ATP9A: variants seen among roughly 807,000 people sequenced by gnomAD.
ATP9A encodes the protein ATPase phospholipid transporting 9A.
ATP9A carries 52 observed loss-of-function variants against 144.1 expected under a neutral mutation model. That is an observed-to-expected ratio of 0.36 (90% CI 0.29 to 0.45). ATP9A has a LOEUF of 0.45. ATP9A is among the 20% of genes least tolerant of loss of function. ATP9A has a pLI of 1.00. For synonymous variants in ATP9A, 582 were observed against 557.4 expected, an observed-to-expected ratio of 1.04 and a Z score of -0.62; for missense variants, 947 against 1,392.7, an observed-to-expected ratio of 0.68 and a Z score of 5.09.
At chr20:51,718,262 A>G (rs1186378222) in intron 3 of ATP9A, among the ~76,000 whole-genome samples, 1 of 152,188 alleles carries the variant, frequency 6.6e-6, no homozygotes, top group Non-Finnish European at 1.5e-5. Flanking sequence ...TATAGTATAC[A>G]TAAAATACAT....
Position 51,694,028 on chromosome 20 carries a change from G to A in ATP9A, c.622C>T (p.Gln208Ter). The change falls in exon 7 of 28, where the codon CAG (glutamine) becomes TAG (stop). Residue 208 changes from glutamine (Q) to a stop codon, truncating the protein, a stop_gained. Transcript: ENST00000338821. LOFTEE classifies it high-confidence loss of function. ...WKLRLPVACTQRLPTAADLLQ... is the reference protein window; with the variant it reads ...WKLRLPVACT ...CTCACGGCGGCCGTGGGGAGCCTCT[G>A]CGTGCAGGCCACGGGAAGCCGCAGC... The A allele has an allele frequency of 1.2e-6, 2 of 1,613,766 alleles. No homozygotes were observed. Among genetic ancestry groups the A allele is most frequent in the Admixed American group, 1.7e-5 (1 of 59,996 alleles).
intron 13 of ATP9A, 43 bp from the exon 14 acceptor site, chr20:51,657,193 G>A (rs756943394): frequency 6.5e-7 from 1 of 1,535,244 alleles, no homozygotes; most frequent in South Asian, 1.1e-5. Context: ...CCAGAGGCAG[G>A]AATGATTTGG....
chr20:51,610,023 C>T (rs1601053980), intron 24 of ATP9A, 78 bp downstream of exon 24: 4 of 1,349,812 alleles, frequency 3.0e-6, no homozygotes, highest in East Asian at 4.6e-5. Flanking sequence ...AAGAATTTTT[C>T]CACCACGTTT....
intron 8 of ATP9A, among the ~76,000 whole-genome samples, chr20:51,690,203 A>G (rs371761825): frequency 3.4e-4 from 51 of 151,370 alleles, no homozygotes; most frequent in Middle Eastern, 7.0e-3. Flanking sequence ...GGCGGATCAC[A>G]AGGTCAGGGG....
chr20:51,702,209 G>A (rs544997541), intron 4 of ATP9A, among the ~76,000 whole-genome samples: 1 of 150,524 alleles, frequency 6.6e-6, no homozygotes, highest in Non-Finnish European at 1.5e-5. Context: ...TGAGGCAGGA[G>A]AATCGCTTGA....
In ATP9A at chr20:51,671,216, C is replaced by T; in HGVS notation, c.1079G>A (p.Trp360Ter). The change falls in exon 12 of 28, where the codon TGG becomes TAG. Residue 360 changes from tryptophan (W) to a stop codon, truncating the protein, a stop_gained. Transcript: ENST00000338821. LOFTEE classifies it high-confidence loss of function. Reference protein sequence around the residue: ...NLDMGKIVYSWVIRRDSKIPG... With the variant: ...NLDMGKIVYS ...GATTTTCGAGTCCCTTCGAATCACC[C>T]AGCTGTACACGATCTTGCCCATGTC... is the stretch of plus-strand genomic sequence containing the variant. 6.2e-7 allele frequency: 1 copy of T among 1,614,186 alleles called. No individual in the cohort carries two copies. The highest frequency in any genetic ancestry group is 8.5e-7 in the Non-Finnish European group (1 of 1,180,010).
intron 9 of ATP9A, 152 bp downstream of exon 9, chr20:51,688,912 T>C (rs2077535157): frequency 2.3e-6 from 2 of 873,988 alleles, no homozygotes; most frequent in Non-Finnish European, 1.8e-6. Flanking sequence ...TGCAATTAGA[T>C]GTCAGTTTAA....
At chr20:51,710,377 A>G (rs1357730139) in intron 4 of ATP9A, among the ~76,000 whole-genome samples, 2 of 152,188 alleles carry the variant, frequency 1.3e-5, no homozygotes, top group African/African-American at 4.8e-5. Context: ...TACTTATTTC[A>G]TTTTGCTTTG....
intron 27 of ATP9A, among the ~76,000 whole-genome samples, 178 bp downstream of exon 27, chr20:51,604,639 T>C (rs1178501965): frequency 7.9e-5 from 12 of 152,122 alleles, no homozygotes; most frequent in Non-Finnish European, 1.5e-5. Context: ...GAGGCACAAC[T>C]ACCACCTGTC....
At chr20:51,689,285 A>G (rs45465399) in intron 8 of ATP9A, 146 bp from the exon 9 acceptor site, 27,206 of 690,792 alleles carry the variant, frequency 0.039, 702 homozygotes, top group Non-Finnish European at 0.049. Flanking sequence ...CGGCTCCACC[A>G]TGAGGGGAGG....
chr20:51,681,680 C>T (rs2077500360), intron 9 of ATP9A, among the ~76,000 whole-genome samples: 1 of 152,118 alleles, frequency 6.6e-6, no homozygotes, highest in African/African-American at 2.4e-5. Flanking sequence ...CCTCAGCCTC[C>T]CAAAGTGCTG....
At position 51,674,307 on chromosome 20, in the gene ATP9A, G is replaced by C; in HGVS notation, c.883C>G (p.Leu295Val). ...NTSNPRSKIG[L>V]FDLEVNCLTK... ...AGGCAGTTCACTTCCAAGTCGAACAGGCCGATCTGTGGGACGAAGCACAAA... is the reference window on the plus strand; with the variant it reads ...AGGCAGTTCACTTCCAAGTCGAACACGCCGATCTGTGGGACGAAGCACAAA... The change falls in exon 11 of 28, where the codon CTG (leucine) becomes GTG (valine). Residue 295 changes from leucine (L) to valine (V), a missense_variant. By Grantham distance (32) the Leu-to-Val change is conservative. Around this residue, in one of 2 missense-constraint regions of ATP9A, gnomAD observed 770 missense variants for 1,047.9 expected, o/e 0.73. Transcript: ENST00000338821. 1.2e-6 allele frequency: 2 copies of C among 1,613,216 alleles called. No homozygotes were observed. Among genetic ancestry groups the C allele is most frequent in the Admixed American group, 3.3e-5 (2 of 59,922 alleles).
chr20:51,688,894 G>T (rs1439701643), intron 9 of ATP9A, among the ~76,000 whole-genome samples, 170 bp downstream of exon 9: 1 of 152,212 alleles, frequency 6.6e-6, no homozygotes, highest in East Asian at 1.9e-4. Flanking sequence ...ATCTCTAAGT[G>T]TCCGAGCTGC....
At position 51,723,589 on chromosome 20, in the gene ATP9A, G is replaced by A. The variant is rs564196908; in HGVS notation, c.327+2230C>T. On this transcript the variant is annotated intron_variant, in intron 3 of 27. Transcript: ENST00000338821. ...TTTTTTTTTTTTTTTTTTTTGAGAC[G>A]GAGTCTCGCTCTGTTGACCAGGCTG... Among the ~76,000 whole-genome samples, 1,256 of 139,926 alleles carry A rather than the reference G, an allele frequency of 9.0e-3. 18 individuals carry two copies. Among genetic ancestry groups the A allele is most frequent in the African/African-American group, 0.031 (1,186 of 38,286 alleles). 91.8% of individuals were successfully genotyped at this position (139,926 alleles called of 152,430 possible).
At chr20:51,615,808 G>C (rs890451489) in intron 22 of ATP9A, among the ~76,000 whole-genome samples, 6 of 152,226 alleles carry the variant, frequency 3.9e-5, no homozygotes, top group Middle Eastern at 3.4e-3. Flanking sequence ...GCTAATTTTT[G>C]TATTTTTAGT....
intron 11 of ATP9A, among the ~76,000 whole-genome samples, chr20:51,672,414 C>G (rs1471295157): frequency 2.6e-5 from 4 of 152,116 alleles, no homozygotes; most frequent in Non-Finnish European, 4.4e-5. Flanking sequence ...GTCGACTCAC[C>G]AATTTTTAAT....
intron 3 of ATP9A, among the ~76,000 whole-genome samples, chr20:51,725,611 G>T (rs180824494): frequency 2.0e-5 from 3 of 152,122 alleles, no homozygotes; most frequent in African/African-American, 7.2e-5. Flanking sequence ...ATAAATGAAC[G>T]GCACAGGCTT....
intron 13 of ATP9A, among the ~76,000 whole-genome samples, chr20:51,668,615 C>T (rs958129930): frequency 1.3e-5 from 2 of 152,094 alleles, no homozygotes; most frequent in African/African-American, 2.4e-5. Flanking sequence ...GGGGGCTGTG[C>T]GGCTCATCCT....
chr20:51,698,631 G>T (rs2077580400), intron 4 of ATP9A, among the ~76,000 whole-genome samples: 1 of 152,192 alleles, frequency 6.6e-6, no homozygotes, highest in Non-Finnish European at 1.5e-5. Context: ...AATAATGGAT[G>T]AAAGGGGTTG....
Sources: gnomAD v4.1 joint callset for allele counts (sites outside exome capture counted in the v4.1 genomes callset) on GRCh38, gnomAD v4.1.1 for gene constraint, gnomAD v4.1.1 regional missense constraint, MANE v1.5 for transcripts, NCBI Gene and HGNC (gene_info 2026-07-23, HGNC 2026-07-21) for gene names.